Variants in SNRNP48 observed in about 807,000 individuals in gnomAD.
The protein encoded by SNRNP48 is small nuclear ribonucleoprotein U11/U12 subunit 48.
Under a neutral mutation model 47.0 loss-of-function variants are expected in SNRNP48, and 43 were observed. The observed-to-expected ratio is 0.92, with a 90% CI of 0.72 to 1.18. The LOEUF (loss-of-function observed/expected upper bound fraction) is 1.18, where lower values mean the gene tolerates loss of function less well. SNRNP48 is among the 50% of genes most tolerant of loss of function. The probability of loss-of-function intolerance (pLI) is 0.00; values close to 1 mark genes in which losing one functional copy is unlikely to be tolerated. For missense variants in SNRNP48, 396 were observed against 422.2 expected (o/e 0.94, Z 0.54); for synonymous variants, 138 against 144.0 (o/e 0.96, Z 0.30).
chr6:7,605,506 G>C lies in SNRNP48; in HGVS notation c.806+20G>C. 1 of 1,596,446 alleles carries C rather than the reference G, an allele frequency of 6.3e-7. No individual in the cohort carries two copies. Among genetic ancestry groups the C allele is most frequent in the Non-Finnish European group, 8.6e-7 (1 of 1,165,098 alleles). On this transcript the variant is annotated intron_variant, in intron 7 of 8. Coordinates refer to ENST00000342415, the MANE Select transcript of SNRNP48 (RefSeq NM_152551.4). ...CGAAAAGTACGTCATTATCTTTATT[G>C]GTGAAAATACTCTCTCTTTGATAAC...
In SNRNP48 at chr6:7,605,444, A is replaced by G; in HGVS notation, c.764A>G (p.His255Arg). The change falls in exon 7 of 9, where the codon CAT (histidine) becomes CGT (arginine). Residue 255 changes from histidine (H) to arginine (R), a missense_variant. His to Arg is a conservative substitution (Grantham distance 29, BLOSUM62 0). Transcript: ENST00000342415. ...GTGCACATGGAAGAACTCAGCAATC[A>G]TTGGCAAGAAGAGCAAGAGAAGGCA... Reference protein sequence around the residue: ...INVHMEELSNHWQEEQEKAED... With the variant: ...INVHMEELSNRWQEEQEKAED... 1.2e-6 allele frequency: 2 copies of G among 1,614,154 alleles called. No homozygotes were observed. The highest frequency in any genetic ancestry group is 1.7e-6 in the Non-Finnish European group (2 of 1,179,998).
In SNRNP48 at chr6:7,605,724, A is replaced by G. The variant is rs546877049; in HGVS notation, c.806+238A>G. Among the ~76,000 whole-genome samples, 10 of 152,324 alleles carry G rather than the reference A, an allele frequency of 6.6e-5. No homozygotes were observed. In the East Asian group the frequency reaches 1.7e-3, roughly 26 times the overall value. On this transcript the variant is annotated intron_variant, in intron 7 of 8. Transcript: ENST00000342415. ...TAGTGAAATATTCAAATAGCAAAAC[A>G]TACTAACATTTATGCCTAGTATTCC...
At chr6:7,591,307 T>A (rs1055376954) in intron 1 of SNRNP48, among the ~76,000 whole-genome samples, 2 of 152,160 alleles carry the variant, frequency 1.3e-5, no homozygotes, top group African/African-American at 4.8e-5. Flanking sequence ...TGTAGGCAAG[T>A]GTATTTAGAG....
At chr6:7,595,003 T>C in intron 3 of SNRNP48, 24 bp from the exon 4 acceptor site, 1 of 1,554,280 alleles carries the variant, frequency 6.4e-7, no homozygotes, top group South Asian at 1.2e-5. Context: ...ATATTGTATT[T>C]ATGGATTTTT....
At chr6:7,594,289 A>G (rs1404532391) in intron 3 of SNRNP48, 130 bp downstream of exon 3, 1 of 443,280 alleles carries the variant, frequency 2.3e-6, no homozygotes, top group Non-Finnish European at 4.0e-6. Flanking sequence ...AAGAGAATGT[A>G]GAATTAATTA....
chr6:7,604,718 A>G (rs1462906799), intron 6 of SNRNP48, among the ~76,000 whole-genome samples: 1 of 152,184 alleles, frequency 6.6e-6, no homozygotes, highest in African/African-American at 2.4e-5. Flanking sequence ...GCTTGGTGGC[A>G]TGGGTAAATA....
rs1760235625 is a variant in SNRNP48 at position 7,611,555 on chromosome 6, T to G, written c.*2682T>G. The G allele has an allele frequency of 6.6e-6, 1 of 152,196 alleles. No individual in the cohort carries two copies. The highest frequency in any genetic ancestry group is 2.4e-5 in the African/African-American group (1 of 41,448). The allele number at this position is 152,196 out of a possible 1,614,324, so 9.4% of individuals were successfully genotyped here. A position where few individuals can be genotyped will look rare whatever the true frequency, so the allele number is the denominator to read the frequency against. ...TTCAGTAGGAAACTGAACTCAGCACTCAGAATTTTAAATTAAATCAATGAT... is the reference window on the plus strand; with the variant it reads ...TTCAGTAGGAAACTGAACTCAGCACGCAGAATTTTAAATTAAATCAATGAT... On this transcript the variant is annotated 3_prime_UTR_variant, in exon 9 of 9. Coordinates refer to ENST00000342415, the MANE Select transcript of SNRNP48 (RefSeq NM_152551.4).
intron 3 of SNRNP48, 89 bp from the exon 4 acceptor site, chr6:7,594,938 C>G (rs1759876557): frequency 2.6e-6 from 3 of 1,137,390 alleles, no homozygotes; most frequent in South Asian, 1.5e-5. Context: ...TCCACGTGCC[C>G]AAAGGGCTTG....
chr6:7,594,166 ATTAAG>A lies in SNRNP48; in HGVS notation c.331+11_331+15del, dbSNP rs754991790. Reference sequence around the variant, plus strand: ...ATACCTTCGATTACTTTGAGTAAGTATTAAGTTATTATAATTTAAAAATATCTTAG... The same window carrying A: ...ATACCTTCGATTACTTTGAGTAAGTATTATTATAATTTAAAAATATCTTAG... On this transcript the variant is annotated splice_region_variant and intron_variant, in intron 3 of 8. Coordinates refer to ENST00000342415, the MANE Select transcript of SNRNP48 (RefSeq NM_152551.4). 4.9e-5 allele frequency: 61 copies of A among 1,246,320 alleles called. 1 individual carries two copies. The highest frequency in any genetic ancestry group is 1.4e-4 in the South Asian group (9 of 66,060). The allele number at this position is 1,246,320 out of a possible 1,614,324, so 77.2% of individuals were successfully genotyped here. A position where few individuals can be genotyped will look rare whatever the true frequency, so the allele number is the denominator to read the frequency against.
chr6:7,597,831 T>C (rs1032782521), intron 4 of SNRNP48, among the ~76,000 whole-genome samples: 3 of 151,734 alleles, frequency 2.0e-5, no homozygotes, highest in African/African-American at 7.3e-5. Flanking sequence ...ATTCTTACAC[T>C]ATCTTAAATT....
In SNRNP48 at chr6:7,595,007, G is replaced by A. The variant is rs756202101; in HGVS notation, c.332-20G>A. On this transcript the variant is annotated intron_variant, in intron 3 of 8. Transcript: ENST00000342415. Reference sequence around the variant, plus strand: ...ACTGATGATTCATATTGTATTTATGGATTTTTTTTTTTTTGACAGATAAGG... The same window carrying A: ...ACTGATGATTCATATTGTATTTATGAATTTTTTTTTTTTTGACAGATAAGG... 8.2e-6 allele frequency: 12 copies of A among 1,468,886 alleles called. No individual in the cohort carries two copies. The highest frequency in any genetic ancestry group is 1.9e-5 in the Admixed American group (1 of 51,336). 91.0% of individuals were successfully genotyped at this position (1,468,886 alleles called of 1,614,324 possible). A position where few individuals can be genotyped will look rare whatever the true frequency, so the allele number is the denominator to read the frequency against.
Position 7,591,812 on chromosome 6 carries a change from G to A in SNRNP48, c.156+1399G>A, listed in dbSNP as rs1312906967. ...GTGATAATTTGTCGAAGGATACACT[G>A]CTAGTAAATGGCAGTTAGGATTTCC... On this transcript the variant is annotated intron_variant, in intron 1 of 8. Transcript: ENST00000342415. Among the ~76,000 whole-genome samples, 4 of 152,230 alleles carry A rather than the reference G, an allele frequency of 2.6e-5. No homozygotes were observed. The East Asian group carries it at 7.7e-4, about 29-fold the overall frequency.
rs1346450540 is a variant in SNRNP48, at chr6:7,608,867, A to G, written c.1014A>G (p.Lys338=). 3 of 1,503,040 alleles carry G rather than the reference A, an allele frequency of 2.0e-6. No individual in the cohort carries two copies. Among genetic ancestry groups the G allele is most frequent in the African/African-American group, 1.4e-5 (1 of 70,910 alleles). 93.1% of individuals were successfully genotyped at this position (1,503,040 alleles called of 1,614,324 possible). A position where few individuals can be genotyped will look rare whatever the true frequency, so the allele number is the denominator to read the frequency against. ...RHHSHKRRKQ[K]I ...ATAGTCATAAAAGAAGAAAGCAAAAAATATAAATGAAGTACTTGTACCTAT... is the reference window on the plus strand; with the variant it reads ...ATAGTCATAAAAGAAGAAAGCAAAAGATATAAATGAAGTACTTGTACCTAT... Residue 338 remains lysine (K), a synonymous_variant, in exon 9 of 9, where the codon AAA becomes AAG. Coordinates refer to ENST00000342415, the MANE Select transcript of SNRNP48 (RefSeq NM_152551.4).
intron 4 of SNRNP48, among the ~76,000 whole-genome samples, chr6:7,597,755 C>T (rs1251330671): frequency 1.3e-5 from 2 of 151,610 alleles, no homozygotes; most frequent in African/African-American, 4.8e-5. Context: ...CAAAGAATTA[C>T]TTTGAATGAA....
chr6:7,591,902 A>T lies in SNRNP48; in HGVS notation c.156+1489A>T, dbSNP rs970611874. Among the ~76,000 whole-genome samples the T allele has an allele frequency of 5.3e-5, 8 of 152,164 alleles. No individual in the cohort carries two copies. In the South Asian group the frequency reaches 1.0e-3, roughly 20 times the overall value. On this transcript the variant is annotated intron_variant, in intron 1 of 8. Transcript: ENST00000342415. ...TAGTTGTCATCTGTTCCTAGTTGTCACCTAGTTCCTAGTCCTCACAGAGCT... is the reference window on the plus strand; with the variant it reads ...TAGTTGTCATCTGTTCCTAGTTGTCTCCTAGTTCCTAGTCCTCACAGAGCT...
chr6:7,608,728 C>A, intron 8 of SNRNP48, 97 bp from the exon 9 acceptor site: 3 of 541,568 alleles, frequency 5.5e-6, no homozygotes, highest in Non-Finnish European at 9.0e-6. Context: ...TAGCATATTA[C>A]TGTTGAAAGT....
At chr6:7,605,184 TC>T (rs1162783258) in intron 6 of SNRNP48, among the ~76,000 whole-genome samples, 3 of 152,244 alleles carry the variant, frequency 2.0e-5, no homozygotes, top group African/African-American at 7.2e-5. Flanking sequence ...TATAGCAACT[TC>T]AAATTTAATA....
At chr6:7,599,078 C>G (rs1469242871) in intron 4 of SNRNP48, among the ~76,000 whole-genome samples, 1 of 152,136 alleles carries the variant, frequency 6.6e-6, no homozygotes, top group African/African-American at 2.4e-5. Context: ...CCAGTCTGTT[C>G]CTATCACTTG....
intron 4 of SNRNP48, among the ~76,000 whole-genome samples, chr6:7,598,764 C>G (rs1759957105): frequency 6.6e-6 from 1 of 152,156 alleles, no homozygotes. Flanking sequence ...GTTTTCATTT[C>G]ATCTGTCATG....
Sources: gnomAD v4.1 joint callset for allele counts (sites outside exome capture counted in the v4.1 genomes callset) on GRCh38, gnomAD v4.1.1 for gene constraint, MANE v1.5 for transcripts, NCBI Gene and HGNC (gene_info 2026-07-23, HGNC 2026-07-21) for gene names.